The following HSPA12A variants were observed in gnomAD, a reference collection of about 807,000 sequenced individuals.
The protein encoded by HSPA12A is heat shock 70 kDa protein 12A.
In HSPA12A, 28 loss-of-function variants were observed where a neutral mutation model predicts 69.2. The ratio of observed to expected loss-of-function variants is 0.40; its 90% CI spans 0.30 to 0.55. HSPA12A has a LOEUF of 0.55. HSPA12A is among the 20% of genes least tolerant of loss of function. HSPA12A has a pLI of 0.38. For synonymous variants in HSPA12A, 345 were observed against 370.5 expected (o/e 0.93, Z 0.79); for missense variants, 686 against 900.7 (o/e 0.76, Z 3.05).
At chr10:116,820,209 T>C (rs555483627) in intron 2 of HSPA12A, among the ~76,000 whole-genome samples, 1 of 152,232 alleles carries the variant, frequency 6.6e-6, no homozygotes, top group Non-Finnish European at 1.5e-5. Context: ...CAGCAAAATA[T>C]TTTAAAAAAT....
At chr10:116,743,117 G>A (rs1014141674), upstream of HSPA12A, among the ~76,000 whole-genome samples, 1 of 152,216 alleles carries the variant, frequency 6.6e-6, no homozygotes, top group Non-Finnish European at 1.5e-5. Flanking sequence ...CGAGCCCGGG[G>A]CACCGCCTCC....
intron 2 of HSPA12A, among the ~76,000 whole-genome samples, chr10:116,763,929 T>C (rs1409356502): frequency 2.0e-5 from 3 of 152,076 alleles, no homozygotes; most frequent in South Asian, 4.2e-4. Context: ...TAGACACTGA[T>C]AGGACCATGG....
chr10:116,671,599 G>C lies in HSPA12A; in HGVS notation c.*3182C>G, dbSNP rs1310932118. 2 of 152,606 alleles carry C rather than the reference G, an allele frequency of 1.3e-5. No individual in the cohort carries two copies. Among genetic ancestry groups the C allele is most frequent in the African/African-American group, 2.4e-5 (1 of 41,430 alleles). The allele number at this position is 152,606 out of a possible 1,614,324, so 9.5% of individuals were successfully genotyped here. On this transcript the variant is annotated 3_prime_UTR_variant, in exon 12 of 12. Transcript: ENST00000369209. The stretch of plus-strand genomic sequence containing the variant: ...ACTTGGTCTAAATAACATTCTAAGG[G>C]TAAGGCAACCTCTATAATCTGGACT...
intron 1 of HSPA12A, among the ~76,000 whole-genome samples, chr10:116,719,577 C>T (rs1850711590): frequency 6.6e-6 from 1 of 152,212 alleles, no homozygotes; most frequent in Admixed American, 6.5e-5. Flanking sequence ...GTTATGCAAT[C>T]TTGAACAAAT....
intron 2 of HSPA12A, among the ~76,000 whole-genome samples, chr10:116,765,185 C>T (rs1366562579): frequency 1.3e-5 from 2 of 152,136 alleles, no homozygotes; most frequent in African/African-American, 4.8e-5. Flanking sequence ...AATGACACTC[C>T]AGTGACAATG....
In HSPA12A at chr10:116,742,296, C is replaced by A. The variant is rs1025401745; in HGVS notation, c.40+134G>T. 12 of 1,003,276 alleles carry A rather than the reference C, an allele frequency of 1.2e-5. No homozygotes were observed. The African/African-American group carries it at 1.9e-4, about 16-fold the overall frequency. 62.1% of individuals were successfully genotyped at this position (1,003,276 alleles called of 1,614,324 possible). Reference sequence around the variant, plus strand: ...CGCTGCTGCTGACCCCGGCCCCGCCCGCCAGAACTGGATGCAGCGCGGGCG... The same window carrying A: ...CGCTGCTGCTGACCCCGGCCCCGCCAGCCAGAACTGGATGCAGCGCGGGCG... On this transcript the variant is annotated intron_variant, in intron 1 of 11. Coordinates refer to ENST00000369209, the MANE Select transcript of HSPA12A (RefSeq NM_025015.3).
rs1252016891 is a variant in HSPA12A, at chr10:116,837,148, C to T, written c.4-2126G>A. On this transcript the variant is annotated intron_variant, in intron 1 of 12. Coordinates refer to the HSPA12A transcript ENST00000635765. Reference sequence around the variant, plus strand: ...AATAGCTTTATTAAATAGTCATTGCCACACCAATGTGAAGGAGTAATTTAC... The same window carrying T: ...AATAGCTTTATTAAATAGTCATTGCTACACCAATGTGAAGGAGTAATTTAC... Among the ~76,000 whole-genome samples, 4 of 152,152 alleles carry T rather than the reference C, an allele frequency of 2.6e-5. No homozygotes were observed. In the South Asian group the frequency reaches 8.3e-4, roughly 32 times the overall value.
At chr10:116,791,004 T>C (rs1026549136) in intron 2 of HSPA12A, among the ~76,000 whole-genome samples, 6 of 152,244 alleles carry the variant, frequency 3.9e-5, no homozygotes, top group African/African-American at 1.4e-4. Context: ...CCAGTTATCT[T>C]TGTATTCATA....
intron 2 of HSPA12A, chr10:116,830,185 A>G (rs1845587473): frequency 6.6e-6 from 1 of 152,204 alleles, no homozygotes; most frequent in Non-Finnish European, 1.5e-5. Flanking sequence ...TCAATGTACT[A>G]TGATACACCA....
intron 2 of HSPA12A, among the ~76,000 whole-genome samples, chr10:116,767,499 G>A (rs537776538): frequency 1.4e-4 from 21 of 152,250 alleles, no homozygotes; most frequent in African/African-American, 4.8e-4. Flanking sequence ...ATTATCTCCC[G>A]GCCCCTCCCT....
At chr10:116,817,509 C>T (rs1845327785) in intron 2 of HSPA12A, among the ~76,000 whole-genome samples, 1 of 120,348 alleles carries the variant, frequency 8.3e-6, no homozygotes, top group Non-Finnish European at 1.6e-5. Context: ...AGAGGAAATC[C>T]AGTGTGTGTG....
rs547636385 is a variant in HSPA12A, at chr10:116,751,884, G to A, written c.92-44599C>T. Among the ~76,000 whole-genome samples the A allele has an allele frequency of 3.9e-5, 6 of 152,204 alleles. No individual in the cohort carries two copies. In the East Asian group the frequency reaches 5.8e-4, roughly 15 times the overall value. ...CTTGGTCCTACCATGTGTTGTGCCC[G>A]CTTCCCATTTGCCTTCACCATAATT... is the stretch of plus-strand genomic sequence containing the variant. On this transcript the variant is annotated intron_variant, in intron 2 of 12. Coordinates refer to the HSPA12A transcript ENST00000635765.
At chr10:116,744,698 C>T (rs1262879415), upstream of HSPA12A, among the ~76,000 whole-genome samples, 2 of 152,252 alleles carry the variant, frequency 1.3e-5, no homozygotes, top group African/African-American at 4.8e-5. Flanking sequence ...GCTGAGCACA[C>T]CATCCAGCCC....
intron 1 of HSPA12A, among the ~76,000 whole-genome samples, chr10:116,709,172 C>T (rs929075680): frequency 2.6e-5 from 4 of 152,122 alleles, no homozygotes; most frequent in Admixed American, 1.3e-4. Flanking sequence ...ATAGGCTGGG[C>T]GCGGTGGCTC....
At chr10:116,722,812 T>G (rs1196394837) in intron 1 of HSPA12A, among the ~76,000 whole-genome samples, 2 of 152,090 alleles carry the variant, frequency 1.3e-5, no homozygotes, top group Non-Finnish European at 2.9e-5. Context: ...AAAAATCTAT[T>G]TTGCACATGG....
In HSPA12A at chr10:116,676,460, C is replaced by T. The variant is rs782663497; in HGVS notation, c.1329G>A (p.Met443Ile). The T allele has an allele frequency of 2.0e-5, 33 of 1,614,064 alleles. No individual in the cohort carries two copies. In the Admixed American group the frequency reaches 2.2e-4, roughly 11 times the overall value. The change falls in exon 11 of 12, where the codon ATG (methionine) becomes ATA (isoleucine). Residue 443 changes from methionine (M) to isoleucine (I), a missense_variant. Transcript: ENST00000369209. The part of the protein sequence containing the change: ...VKWSSQGMLR[M>I]SPDAMNALFK... ...AAAGGGCGTTCATGGCATCTGGACTCATCCGCAGCATCCCCTGCGAGGACC... is the reference window on the plus strand; with the variant it reads ...AAAGGGCGTTCATGGCATCTGGACTTATCCGCAGCATCCCCTGCGAGGACC...
chr10:116,729,316 G>T (rs372564804), intron 1 of HSPA12A, among the ~76,000 whole-genome samples: 2 of 152,112 alleles, frequency 1.3e-5, no homozygotes, highest in Non-Finnish European at 2.9e-5. Flanking sequence ...TTTGGGGCAC[G>T]GTCCAGGCCT....
At chr10:116,754,844 G>A (rs111460255) in intron 2 of HSPA12A, among the ~76,000 whole-genome samples, 1,913 of 152,312 alleles carry the variant, frequency 0.013, 46 homozygotes, top group African/African-American at 0.043. Context: ...TGGAGTCATC[G>A]TAAACTAAGG....
chr10:116,762,756 G>A (rs1413421631), intron 2 of HSPA12A, among the ~76,000 whole-genome samples: 1 of 152,108 alleles, frequency 6.6e-6, no homozygotes, highest in Admixed American at 6.5e-5. Context: ...GCTGATTTTT[G>A]TATTTTTAGT....
Sources: allele counts gnomAD v4.1 joint callset (sites outside exome capture counted in the v4.1 genomes callset), GRCh38; gene constraint gnomAD v4.1.1; transcripts MANE v1.5; gene names NCBI Gene and HGNC (gene_info 2026-07-23, HGNC 2026-07-21).